The following LRRD1 variants were observed in gnomAD, a reference collection of about 807,000 sequenced individuals.
The protein encoded by LRRD1 is leucine-rich repeat and death domain-containing protein 1.
In LRRD1, 49 loss-of-function variants were observed where a neutral mutation model predicts 69.5. The observed-to-expected ratio is 0.70, with a 90% CI of 0.56 to 0.89. The LOEUF is 0.89. Among genes scored for constraint, LRRD1 ranks in the 40% least tolerant of loss-of-function variants. The pLI, the probability that LRRD1 is intolerant of heterozygous loss-of-function variation, is 0.00. For missense variants in LRRD1, 853 were observed against 956.0 expected (o/e 0.89, Z 1.42); for synonymous variants, 303 against 338.9 (o/e 0.89, Z 1.16).
chr7:92,173,261 A>G (rs1378188412), intron 1 of LRRD1, among the ~76,000 whole-genome samples: 3 of 152,262 alleles, frequency 2.0e-5, no homozygotes, highest in African/African-American at 7.2e-5. Context: ...AACATTGGGG[A>G]AACACTTCAG....
intron 1 of LRRD1, among the ~76,000 whole-genome samples, chr7:92,170,983 A>G (rs1275946396): frequency 6.6e-6 from 1 of 152,250 alleles, no homozygotes; most frequent in Admixed American, 6.5e-5. Flanking sequence ...GAAATTAAAA[A>G]GTTTCTTGAA....
intron 2 of LRRD1, among the ~76,000 whole-genome samples, chr7:92,162,561 A>T (rs1788812915): frequency 6.6e-6 from 1 of 152,194 alleles, no homozygotes; most frequent in South Asian, 2.1e-4. Context: ...ATAAAATGCT[A>T]AGCTCTAAAA....
chr7:92,149,871 A>G (rs569931316), intron 4 of LRRD1: 1 of 454,810 alleles, frequency 2.2e-6, no homozygotes, highest in Non-Finnish European at 4.4e-6. Flanking sequence ...CTTTTAGAAC[A>G]ACTACATTTG....
chr7:92,176,559 T>C (rs910242050), intron 1 of LRRD1, among the ~76,000 whole-genome samples: 2 of 123,136 alleles, frequency 1.6e-5, no homozygotes, highest in African/African-American at 7.4e-5. Flanking sequence ...ATTAAGAGAT[T>C]CTCTCATTTT....
chr7:92,142,903 AG>A (rs1820197107), downstream of LRRD1: 1 of 340,782 alleles, frequency 2.9e-6, no homozygotes, highest in Non-Finnish European at 5.8e-6. Context: ...TTTATTGCAA[AG>A]AGCGAAAGAA....
Position 92,145,751 on chromosome 7 carries a change from A to T in LRRD1, c.2396+332T>A, listed in dbSNP as rs192418979. Among the ~76,000 whole-genome samples the T allele has an allele frequency of 2.1e-3, 326 of 152,124 alleles. 1 individual carries two copies. The highest frequency in any genetic ancestry group is 3.1e-3 in the Non-Finnish European group (209 of 67,970). Reference sequence around the variant, plus strand: ...ACTGCACCCAGCTACTATATGCTTTATAGCTTGATCTCACTTGATTCTCAT... The same window carrying T: ...ACTGCACCCAGCTACTATATGCTTTTTAGCTTGATCTCACTTGATTCTCAT... On this transcript the variant is annotated intron_variant, in intron 5 of 5. Transcript: ENST00000458448.
At chr7:92,153,776 C>T (rs1362048801) in intron 3 of LRRD1, among the ~76,000 whole-genome samples, 2 of 151,250 alleles carry the variant, frequency 1.3e-5, no homozygotes, top group Non-Finnish European at 2.9e-5. Context: ...GAGCCTAGAT[C>T]GTGCCACTGC....
chr7:92,178,306 T>C (rs915160617), intron 1 of LRRD1, among the ~76,000 whole-genome samples: 1 of 151,566 alleles, frequency 6.6e-6, no homozygotes, highest in African/African-American at 2.4e-5. Flanking sequence ...AGAGCAAAAC[T>C]CCGTCTCAAA....
chr7:92,145,161 A>G (rs1020672649), intron 5 of LRRD1, 87 bp from the exon 6 acceptor site: 22 of 716,612 alleles, frequency 3.1e-5, no homozygotes, highest in Non-Finnish European at 4.0e-5. Context: ...TGAATTGTCA[A>G]TTAAGAACAT....
chr7:92,145,397 T>C (rs1820293174), intron 5 of LRRD1, among the ~76,000 whole-genome samples: 1 of 151,920 alleles, frequency 6.6e-6, no homozygotes, highest in Non-Finnish European at 1.5e-5. Flanking sequence ...AATTGTGGGT[T>C]ATTTCTAATA....
At chr7:92,171,068 AC>A (rs776690241) in intron 1 of LRRD1, among the ~76,000 whole-genome samples, 1 of 152,212 alleles carries the variant, frequency 6.6e-6, no homozygotes, top group East Asian at 1.9e-4. Context: ...GGAAGTTTGT[AC>A]CAATACAGGC....
chr7:92,144,972 A>G lies in LRRD1; in HGVS notation c.2499T>C (p.Ile833=). The change falls in exon 6 of 6, where the codon ATT becomes ATC. Residue 833 remains isoleucine (I), a synonymous_variant. Transcript: ENST00000458448. ...ATGCTCCTATCATAGTTAGTGCTCG[A>G]ATTAGTTGATCTCTTAAAGCAGCAG... ...LTAAALRDQL[I]RALTMIGAYE... is the part of the protein sequence containing the mutation. 4 of 1,546,308 alleles carry G rather than the reference A, an allele frequency of 2.6e-6. No individual in the cohort carries two copies. The highest frequency in any genetic ancestry group is 3.5e-6 in the Non-Finnish European group (4 of 1,143,478).
At position 92,164,767 on chromosome 7, in the gene LRRD1, CT is replaced by C; in HGVS notation, c.435del (p.Val146LeufsTer16). ...KQLGLGADNF[T>X]VNLEAKGLQE... ...TGTAAACCCTTGGCCTCAAGGTTAA[CT>C]GTAAAGTTATCTGCCCCTAGGCCAA... On this transcript the variant is annotated frameshift_variant, in exon 2 of 6. Transcript: ENST00000458448. LOFTEE classifies it high-confidence loss of function. The C allele has an allele frequency of 6.4e-7, 1 of 1,551,420 alleles. No individual in the cohort carries two copies. The highest frequency in any genetic ancestry group is 8.7e-7 in the Non-Finnish European group (1 of 1,146,880).
rs773180770 is a variant in LRRD1, at chr7:92,149,864, T to C, written c.2278+670A>G. ...CACCACACGCAACTCCAAATGTCTT[T>C]TAGAACAACTACATTTGGTAGAACA... On this transcript the variant is annotated intron_variant, in intron 4 of 5. Transcript: ENST00000458448. The C allele has an allele frequency of 1.5e-4, 69 of 453,822 alleles. 2 individuals are homozygous for C. The highest frequency in any genetic ancestry group is 1.0e-3 in the South Asian group (65 of 64,066). The allele number at this position is 453,822 out of a possible 1,614,324, so 28.1% of individuals were successfully genotyped here.
At chr7:92,155,370 A>C (rs1370580386) in intron 3 of LRRD1, among the ~76,000 whole-genome samples, 5 of 152,226 alleles carry the variant, frequency 3.3e-5, no homozygotes, top group Non-Finnish European at 5.9e-5. Flanking sequence ...CACTGCTCAG[A>C]AAAGTGCACA....
At chr7:92,162,455 C>A (rs1236365713) in intron 2 of LRRD1, among the ~76,000 whole-genome samples, 1 of 151,968 alleles carries the variant, frequency 6.6e-6, no homozygotes, top group Non-Finnish European at 1.5e-5. Flanking sequence ...TAGCTGTGTT[C>A]TTTTCATTTG....
At chr7:92,172,339 C>T (rs2131022201) in intron 1 of LRRD1, among the ~76,000 whole-genome samples, 2 of 152,182 alleles carry the variant, frequency 1.3e-5, no homozygotes, top group South Asian at 4.2e-4. Context: ...GAAGTCCTGC[C>T]CACATAATTA....
intron 2 of LRRD1, 29 bp downstream of exon 2, chr7:92,163,257 C>T (rs1243627536): frequency 7.4e-7 from 1 of 1,343,832 alleles, no homozygotes; most frequent in African/African-American, 1.5e-5. Flanking sequence ...CTCTCCTTCC[C>T]CACAAAGCCC....
At chr7:92,152,741 G>A (rs545023555) in intron 3 of LRRD1, among the ~76,000 whole-genome samples, 3 of 150,892 alleles carry the variant, frequency 2.0e-5, no homozygotes, top group African/African-American at 7.3e-5. Context: ...CGTCACCTCA[G>A]CTCACTGCAA....
Sources: gnomAD v4.1 joint callset for allele counts (sites outside exome capture counted in the v4.1 genomes callset) on GRCh38, gnomAD v4.1.1 for gene constraint, MANE v1.5 for transcripts, NCBI Gene and HGNC (gene_info 2026-07-23, HGNC 2026-07-21) for gene names.